OSBPL10: variants seen among roughly 807,000 people sequenced by gnomAD.
The protein encoded by OSBPL10 is oxysterol-binding protein-related protein 10.
A neutral mutation model predicts 81.7 loss-of-function variants in OSBPL10; 49 were observed. That is an observed-to-expected ratio of 0.60 (90% CI 0.48 to 0.76). The LOEUF (loss-of-function observed/expected upper bound fraction) is 0.76. Ranked by LOEUF, OSBPL10 falls within the 30% of genes least tolerant of loss-of-function variation. OSBPL10 has a pLI of 0.00. For synonymous variants in OSBPL10, 419 were observed against 383.6 expected, an observed-to-expected ratio of 1.09 and a Z score of -1.08; for missense variants, 923 against 987.8, an observed-to-expected ratio of 0.93 and a Z score of 0.88.
intron 7 of OSBPL10, among the ~76,000 whole-genome samples, chr3:31,696,149 T>C (rs1695714998): frequency 6.6e-6 from 1 of 152,078 alleles, no homozygotes; most frequent in Non-Finnish European, 1.5e-5. Flanking sequence ...TGCACCCCTC[T>C]CTCTGCCTGC....
intron 7 of OSBPL10, among the ~76,000 whole-genome samples, chr3:31,691,767 G>A (rs1695560989): frequency 2.0e-5 from 3 of 151,848 alleles, no homozygotes; most frequent in Admixed American, 6.6e-5. Flanking sequence ...ATAACCTTGG[G>A]AGCCATCTTC....
At chr3:31,895,732 A>T (rs1559508988) in intron 1 of OSBPL10, among the ~76,000 whole-genome samples, 2 of 152,222 alleles carry the variant, frequency 1.3e-5, no homozygotes, top group Admixed American at 6.5e-5. Context: ...GTAACTGAGG[A>T]TACACTGGTA....
intron 5 of OSBPL10, among the ~76,000 whole-genome samples, chr3:31,734,899 A>G (rs1306605310): frequency 6.6e-6 from 1 of 152,246 alleles, no homozygotes; most frequent in Non-Finnish European, 1.5e-5. Flanking sequence ...TTCCATCCAT[A>G]AAGCAATACT....
chr3:31,791,617 C>CAGCA (rs1418174146), intron 4 of OSBPL10, among the ~76,000 whole-genome samples: 1 of 151,868 alleles, frequency 6.6e-6, no homozygotes, highest in Non-Finnish European at 1.5e-5. Context: ...TCATGTAAGA[C>CAGCA]AGCACACTAG....
chr3:31,993,761 A>G (rs887839458), intron 2 of OSBPL10, among the ~76,000 whole-genome samples: 2 of 152,152 alleles, frequency 1.3e-5, no homozygotes, highest in Admixed American at 1.3e-4. Context: ...ACTCTTACAC[A>G]TTGCTGGTGA....
intron 1 of OSBPL10, among the ~76,000 whole-genome samples, chr3:32,076,282 G>T (rs1382472435): frequency 6.6e-6 from 1 of 151,986 alleles, no homozygotes; most frequent in African/African-American, 2.4e-5. Context: ...GCAAGAGAAT[G>T]GCGTGAACCC....
At chr3:31,686,814 C>A (rs1208757693) in intron 7 of OSBPL10, among the ~76,000 whole-genome samples, 1 of 152,166 alleles carries the variant, frequency 6.6e-6, no homozygotes, top group Non-Finnish European at 1.5e-5. Context: ...CATTCAGCAA[C>A]CATCACTGTG....
In OSBPL10 at chr3:31,696,012, T is replaced by C. The variant is rs561299409; in HGVS notation, c.1245+6347A>G. On this transcript the variant is annotated intron_variant, in intron 7 of 11. Coordinates refer to ENST00000396556, the MANE Select transcript of OSBPL10 (RefSeq NM_017784.5). ...ACAATTATCAACCTCCTTTTAAAGA[T>C]GAGAAAACAGAGGCACTCAGATGCA... Among the ~76,000 whole-genome samples, 5 of 152,270 alleles carry C rather than the reference T, an allele frequency of 3.3e-5. No homozygotes were observed. In the East Asian group the frequency reaches 7.7e-4, roughly 23 times the overall value.
At chr3:31,957,646 GGTTT>G (rs1020391608) in intron 1 of OSBPL10, among the ~76,000 whole-genome samples, 38 of 151,980 alleles carry the variant, frequency 2.5e-4, no homozygotes, top group African/African-American at 8.0e-4. Flanking sequence ...TGTTTGTTTT[GGTTT>G]GTTTGTTTTT....
intron 8 of OSBPL10, among the ~76,000 whole-genome samples, chr3:31,682,612 A>T (rs1700681011): frequency 6.6e-6 from 1 of 152,172 alleles, no homozygotes; most frequent in Non-Finnish European, 1.5e-5. Flanking sequence ...AGCTCATCTG[A>T]AAGCTCAACT....
intron 4 of OSBPL10, among the ~76,000 whole-genome samples, chr3:31,817,184 C>T (rs868444380): frequency 9.9e-5 from 15 of 152,208 alleles, no homozygotes; most frequent in Admixed American, 1.3e-4. Context: ...GTCAGTGGGA[C>T]TGGCAGCCCG....
chr3:31,760,943 A>G (rs2125721055), intron 4 of OSBPL10, among the ~76,000 whole-genome samples: 1 of 152,306 alleles, frequency 6.6e-6, no homozygotes, highest in Admixed American at 6.5e-5. Flanking sequence ...GATTTTGTGA[A>G]AATAAACTTC....
intron 3 of OSBPL10, among the ~76,000 whole-genome samples, chr3:31,872,884 A>G (rs557537699): frequency 1.3e-5 from 2 of 152,288 alleles, no homozygotes; most frequent in South Asian, 4.1e-4. Context: ...TCAGCCTCCC[A>G]AAGTGCTGGG....
intron 3 of OSBPL10, among the ~76,000 whole-genome samples, chr3:31,867,939 C>G (rs936525369): frequency 2.6e-5 from 4 of 152,150 alleles, no homozygotes; most frequent in African/African-American, 9.7e-5. Flanking sequence ...AAAAATAAAA[C>G]AGCCCAAACA....
At chr3:32,044,741 C>CAAAAA (rs34855965) in intron 2 of OSBPL10, among the ~76,000 whole-genome samples, 40 of 66,990 alleles carry the variant, frequency 6.0e-4, no homozygotes, top group East Asian at 1.4e-3. Flanking sequence ...AACTCCATCT[C>CAAAAA]AAAAAAAAAA....
At chr3:31,995,608 A>C (rs1699083608) in intron 2 of OSBPL10, among the ~76,000 whole-genome samples, 1 of 152,228 alleles carries the variant, frequency 6.6e-6, no homozygotes, top group African/African-American at 2.4e-5. Flanking sequence ...TAACGCAATC[A>C]TCACAGTGGT....
At chr3:32,019,878 A>T (rs906078275) in intron 2 of OSBPL10, among the ~76,000 whole-genome samples, 1 of 152,226 alleles carries the variant, frequency 6.6e-6, no homozygotes, top group Admixed American at 6.5e-5. Flanking sequence ...ACACTGGAAC[A>T]TATAAAGTAT....
chr3:31,929,649 G>C (rs1228795239), intron 1 of OSBPL10, among the ~76,000 whole-genome samples: 2 of 151,760 alleles, frequency 1.3e-5, no homozygotes, highest in African/African-American at 4.8e-5. Context: ...TTGGGAGGCT[G>C]AGGCAGGAGA....
intron 1 of OSBPL10, among the ~76,000 whole-genome samples, chr3:31,936,136 C>G (rs1233322279): frequency 6.6e-6 from 1 of 152,148 alleles, no homozygotes; most frequent in Non-Finnish European, 1.5e-5. Context: ...CTGAGCTTCT[C>G]TAAGGTTTCA....
Sources: allele counts gnomAD v4.1 joint callset (sites outside exome capture counted in the v4.1 genomes callset), GRCh38; gene constraint gnomAD v4.1.1; transcripts MANE v1.5; gene names NCBI Gene and HGNC (gene_info 2026-07-23, HGNC 2026-07-21).